ARHGDIB: variants seen among roughly 807,000 people sequenced by gnomAD.
The protein encoded by ARHGDIB is rho GDP-dissociation inhibitor 2.
Under a neutral mutation model 22.6 loss-of-function variants are expected in ARHGDIB, and 20 were observed. The ratio of observed to expected loss-of-function variants is 0.88; its 90% CI spans 0.62 to 1.28. The LOEUF is 1.28. Ranked by LOEUF, ARHGDIB falls within the 50% of genes most tolerant of loss-of-function variation. The probability of loss-of-function intolerance (pLI) is 0.00; values close to 1 mark genes in which losing one functional copy is unlikely to be tolerated. For synonymous variants in ARHGDIB, 114 were observed against 96.1 expected (o/e 1.19, Z -1.09); for missense variants, 254 against 245.4 (o/e 1.04, Z -0.23).
At chr12:14,948,798 A>T (rs939285514) in intron 3 of ARHGDIB, 5 of 152,260 alleles carry the variant, frequency 3.3e-5, no homozygotes. Flanking sequence ...TGGCAGCTGT[A>T]CCTGGTAATA....
Position 14,950,518 on chromosome 12 carries a change from C to A in ARHGDIB, c.181+14G>T. ...AGCGATCTTCCACCCACCCTGTTCT[C>A]TGTACACACATACCTGTCACCACAG... On this transcript the variant is annotated intron_variant, in intron 2 of 5. Coordinates refer to ENST00000228945, the MANE Select transcript of ARHGDIB (RefSeq NM_001175.7). 2 of 1,606,084 alleles carry A rather than the reference C, an allele frequency of 1.2e-6. No homozygotes were observed. Among genetic ancestry groups the A allele is most frequent in the Non-Finnish European group, 1.7e-6 (2 of 1,176,296 alleles).
intron 4 of ARHGDIB, among the ~76,000 whole-genome samples, chr12:14,946,367 A>G (rs1864015140): frequency 6.6e-6 from 1 of 152,244 alleles, no homozygotes; most frequent in Non-Finnish European, 1.5e-5. Flanking sequence ...ACTAACAGAG[A>G]TTGTGAAAGA....
chr12:14,957,572 T>C (rs569786164), intron 1 of ARHGDIB, among the ~76,000 whole-genome samples: 4 of 152,228 alleles, frequency 2.6e-5, no homozygotes, highest in Non-Finnish European at 5.9e-5. Context: ...AAAACTTTCA[T>C]GTAAACAATT....
chr12:14,943,412 T>TTA (rs1863928748), intron 5 of ARHGDIB, among the ~76,000 whole-genome samples: 3 of 149,888 alleles, frequency 2.0e-5, no homozygotes, highest in Non-Finnish European at 4.5e-5. Context: ...TTGTTTTTTT[T>TTA]ATGGAGATAT....
chr12:14,954,580 T>C (rs899838213), intron 1 of ARHGDIB, among the ~76,000 whole-genome samples: 2 of 152,238 alleles, frequency 1.3e-5, no homozygotes, highest in Non-Finnish European at 2.9e-5. Context: ...TTTTCCCCTG[T>C]TAACTGAATG....
chr12:14,942,361 A>G lies in ARHGDIB; in HGVS notation c.*161T>C. On this transcript the variant is annotated 3_prime_UTR_variant, in exon 6 of 6. Transcript: ENST00000228945. The stretch of plus-strand genomic sequence containing the variant: ...AGCCCGGTTTTAAGCCTCTTGTTCT[A>G]GGGACCACGTTGAGTGACAGGGTGG... The G allele has an allele frequency of 3.8e-6, 3 of 780,998 alleles. No homozygotes were observed. Among genetic ancestry groups the G allele is most frequent in the South Asian group, 1.7e-5 (1 of 58,574 alleles). The allele number at this position is 780,998 out of a possible 1,614,324, so 48.4% of individuals were successfully genotyped here.
intron 1 of ARHGDIB, 25 bp downstream of exon 1, chr12:14,961,512 C>A (rs960414780): frequency 2.0e-5 from 3 of 152,272 alleles, no homozygotes; most frequent in Non-Finnish European, 4.4e-5. Flanking sequence ...CTGAAGCCTC[C>A]CCAGCCCGAG....
chr12:14,943,719 GTT>G (rs2120670534), intron 5 of ARHGDIB, among the ~76,000 whole-genome samples: 1 of 152,186 alleles, frequency 6.6e-6, no homozygotes, highest in East Asian at 1.9e-4. Flanking sequence ...AGCCAATCAA[GTT>G]TATTTATAGG....
At chr12:14,944,879 G>T in intron 4 of ARHGDIB, 40 bp from the exon 5 acceptor site, 1 of 1,579,758 alleles carries the variant, frequency 6.3e-7, no homozygotes, top group South Asian at 1.1e-5. Flanking sequence ...GATTAAGAGG[G>T]TCTTTCATTT....
chr12:14,952,480 G>A (rs1049483286), intron 1 of ARHGDIB, among the ~76,000 whole-genome samples: 8 of 152,090 alleles, frequency 5.3e-5, no homozygotes, highest in African/African-American at 1.7e-4. Flanking sequence ...AGAAGAAACA[G>A]CACCACTCAA....
chr12:14,956,276 C>CGGTTCCT (rs1320223567), intron 1 of ARHGDIB: 3 of 152,300 alleles, frequency 2.0e-5, no homozygotes, highest in Admixed American at 6.5e-5. Context: ...CAGCGCAACT[C>CGGTTCCT]GGTTCCTGCG....
chr12:14,956,907 TTTGCTTGCAAA>T (rs1864312149), intron 1 of ARHGDIB, among the ~76,000 whole-genome samples: 1 of 152,224 alleles, frequency 6.6e-6, no homozygotes, highest in Non-Finnish European at 1.5e-5. Flanking sequence ...CATCAATGTT[TTTGCTTGCAAA>T]TTCAGTGAAA....
Position 14,949,831 on chromosome 12 carries a change from G to T in ARHGDIB, c.236C>A (p.Ala79Asp). Residue 79 changes from alanine to aspartate, a missense_variant, in exon 3 of 6, where the codon GCC becomes GAC. Physicochemically the swap from Ala to Asp is moderately radical, Grantham distance 126 (BLOSUM62 -2). Transcript: ENST00000228945. ...VTRLTLVCES[A>D]PGPITMDLTG... is the part of the protein sequence containing the mutation. Reference sequence around the variant, plus strand: ...AAGGTCCATGGTGATTGGTCCCGGGGCACTCTCACAAACCAGGGTGAGCCG... The same window carrying T: ...AAGGTCCATGGTGATTGGTCCCGGGTCACTCTCACAAACCAGGGTGAGCCG... 6.2e-7 allele frequency: 1 copy of T among 1,613,636 alleles called. No individual in the cohort carries two copies. The highest frequency in any genetic ancestry group is 8.5e-7 in the Non-Finnish European group (1 of 1,179,676).
At chr12:14,947,729 G>A (rs1864052826) in intron 4 of ARHGDIB, 144 bp downstream of exon 4, 1 of 684,090 alleles carries the variant, frequency 1.5e-6, no homozygotes, top group Non-Finnish European at 2.5e-6. Context: ...CCTCAGGGCT[G>A]GGAAGAGGAC....
intron 4 of ARHGDIB, 120 bp from the exon 5 acceptor site, chr12:14,944,959 TCAGAA>T: frequency 1.4e-6 from 1 of 740,348 alleles, no homozygotes; most frequent in Non-Finnish European, 2.1e-6. Context: ...AAGATTTAGT[TCAGAA>T]TTGGTGTTTC....
intron 1 of ARHGDIB, among the ~76,000 whole-genome samples, chr12:14,956,848 T>A (rs1864310535): frequency 6.6e-6 from 1 of 152,216 alleles, no homozygotes; most frequent in Non-Finnish European, 1.5e-5. Flanking sequence ...AATTAAAATG[T>A]CGAATTAAAT....
chr12:14,957,275 G>A (rs149760253), intron 1 of ARHGDIB, among the ~76,000 whole-genome samples: 29 of 152,240 alleles, frequency 1.9e-4, no homozygotes, highest in Admixed American at 1.8e-3. Context: ...AAAAATTATA[G>A]GACTATACTG....
chr12:14,959,641 C>T (rs914999886), intron 1 of ARHGDIB, among the ~76,000 whole-genome samples: 6 of 152,216 alleles, frequency 3.9e-5, no homozygotes, highest in East Asian at 1.9e-4. Context: ...AGCTCAGACC[C>T]GTATCTTTCC....
At chr12:14,947,343 G>A (rs949003191) in intron 4 of ARHGDIB, among the ~76,000 whole-genome samples, 1 of 152,094 alleles carries the variant, frequency 6.6e-6, no homozygotes, top group Admixed American at 6.5e-5. Context: ...GTAATTTCCA[G>A]TTCTTTAGCA....
Sources: allele counts gnomAD v4.1 joint callset (sites outside exome capture counted in the v4.1 genomes callset), GRCh38; gene constraint gnomAD v4.1.1; transcripts MANE v1.5; gene names NCBI Gene and HGNC (gene_info 2026-07-23, HGNC 2026-07-21).